ZNF462: variants seen among roughly 807,000 people sequenced by gnomAD.
The protein encoded by ZNF462 is zinc finger PBX1-interacting protein.
A neutral mutation model predicts 201.9 loss-of-function variants in ZNF462; 10 were observed. That is an observed-to-expected ratio of 0.05 (90% confidence interval 0.03 to 0.08). The LOEUF (loss-of-function observed/expected upper bound fraction) is 0.08. Ranked by LOEUF, ZNF462 falls within the 10% of genes least tolerant of loss-of-function variation. The pLI, the probability that ZNF462 is intolerant of heterozygous loss-of-function variation, is 1.00. For synonymous variants in ZNF462, 1,227 were observed against 1,193.3 expected (o/e 1.03, Z -0.58); for missense variants, 2,523 against 3,168.3 (o/e 0.80, Z 4.89).
chr9:106,896,261 A>T (rs1828809396), intron 1 of ZNF462, among the ~76,000 whole-genome samples: 1 of 152,122 alleles, frequency 6.6e-6, no homozygotes, highest in East Asian at 1.9e-4. Flanking sequence ...TAGGCACTCA[A>T]ATGTTTAGTT....
chr9:106,964,635 CT>C (rs1183257757), intron 7 of ZNF462, among the ~76,000 whole-genome samples: 25 of 151,986 alleles, frequency 1.6e-4, no homozygotes, highest in African/African-American at 4.6e-4. Flanking sequence ...TGTTCTCAAT[CT>C]TTTATAGTTG....
At chr9:106,948,217 G>A (rs1459520929) in intron 7 of ZNF462, among the ~76,000 whole-genome samples, 4 of 152,132 alleles carry the variant, frequency 2.6e-5, no homozygotes, top group Non-Finnish European at 5.9e-5. Flanking sequence ...TTAGTGGAAG[G>A]GTAATTAGTG....
intron 1 of ZNF462, among the ~76,000 whole-genome samples, chr9:106,900,440 C>G (rs377279767): frequency 1.3e-5 from 2 of 152,014 alleles, no homozygotes; most frequent in African/African-American, 2.4e-5. Context: ...CTACTTTTAG[C>G]TCTTTAAGGA....
At chr9:106,863,144 T>TG (rs1258584908), upstream of ZNF462, 1 of 397,940 alleles carries the variant, frequency 2.5e-6, no homozygotes, top group Non-Finnish European at 4.4e-6. Context: ...GACGGATATC[T>TG]CAGGTCATCT....
intron 5 of ZNF462, among the ~76,000 whole-genome samples, chr9:106,934,152 G>T (rs1324305537): frequency 6.6e-6 from 1 of 151,988 alleles, no homozygotes; most frequent in South Asian, 2.1e-4. Context: ...CTCCTATAAG[G>T]TATGGCCCCA....
intron 7 of ZNF462, 24 bp from the exon 8 acceptor site, chr9:106,971,981 G>C: frequency 1.3e-6 from 2 of 1,599,846 alleles, no homozygotes; most frequent in East Asian, 4.5e-5. Context: ...TGTGCCCCGT[G>C]TCATTTTTCC....
In ZNF462 at chr9:107,006,613, C is replaced by G. The variant is rs1218944227; in HGVS notation, c.7190-2932C>G. ...GTTCTGTCTGCAAACATTAAGGAAG[C>G]CTATTGGTGGGCTACTTCCCTCCAA... On this transcript the variant is annotated intron_variant, in intron 11 of 12. Coordinates refer to ENST00000277225, the MANE Select transcript of ZNF462 (RefSeq NM_021224.6). This position sits in a 1 kb window ranked among gnomAD's most constrained non-coding sequence, Gnocchi z 4.3. 6.6e-6 allele frequency among the ~76,000 whole-genome samples: 1 copy of G among 152,024 alleles called. No individual in the cohort carries two copies. The highest frequency in any genetic ancestry group is 2.4e-5 in the African/African-American group (1 of 41,380).
chr9:106,989,072 A>C (rs539042626), intron 10 of ZNF462, among the ~76,000 whole-genome samples: 2 of 152,182 alleles, frequency 1.3e-5, no homozygotes, highest in South Asian at 4.2e-4. Flanking sequence ...TTCCAGTACT[A>C]TGTTGAAGAG....
rs577134387 is a variant in ZNF462 at position 106,974,040 on chromosome 9, G to A, written c.6696-97G>A. 2.5e-5 allele frequency: 38 copies of A among 1,494,748 alleles called. No individual in the cohort carries two copies. The highest frequency in any genetic ancestry group is 8.6e-5 in the South Asian group (7 of 80,958). The allele number at this position is 1,494,748 out of a possible 1,614,324, so 92.6% of individuals were successfully genotyped here. On this transcript the variant is annotated intron_variant, in intron 8 of 12. Coordinates refer to ENST00000277225, the MANE Select transcript of ZNF462 (RefSeq NM_021224.6). The surrounding 1 kb of genome is among the most constrained non-coding windows in gnomAD (Gnocchi z 4.0). The stretch of plus-strand genomic sequence containing the variant: ...TTTTAGCCCCACAAGCAGGAGAGCC[G>A]CACTTGGACATATATAACGGGTTTG...
intron 7 of ZNF462, among the ~76,000 whole-genome samples, chr9:106,944,948 T>C (rs1303276853): frequency 3.3e-5 from 5 of 152,110 alleles, no homozygotes; most frequent in Non-Finnish European, 5.9e-5. Flanking sequence ...CCATAGACAA[T>C]ATGTAAACAA....
chr9:106,994,290 C>T (rs2132466814), intron 10 of ZNF462, among the ~76,000 whole-genome samples: 1 of 152,216 alleles, frequency 6.6e-6, no homozygotes, highest in East Asian at 1.9e-4. Flanking sequence ...ACATTAAGCT[C>T]AGAAGGAATC....
In ZNF462 at chr9:106,972,201, T is replaced by C. The variant is rs770100957; in HGVS notation, c.6624T>C (p.Arg2208=). The change falls in exon 8 of 13, where the codon CGT becomes CGC. Residue 2208 remains arginine (R), a synonymous_variant. Transcript: ENST00000277225. The surrounding 1 kb of genome is among the most constrained non-coding windows in gnomAD (Gnocchi z 4.8). ...CCGGCTACATCCAGAGCATCAGGCG[T>C]CATTACCGGGACAAGCATGGTGGGA... ...FSSGYIQSIR[R]HYRDKHGGKK... 3.1e-6 allele frequency: 5 copies of C among 1,614,204 alleles called. No individual in the cohort carries two copies. In the East Asian group the frequency reaches 1.1e-4, roughly 36 times the overall value.
chr9:106,944,450 A>G (rs956274808), intron 7 of ZNF462, among the ~76,000 whole-genome samples: 1 of 152,168 alleles, frequency 6.6e-6, no homozygotes, highest in African/African-American at 2.4e-5. Context: ...AAATTGACAC[A>G]TAATAATTAC....
At chr9:106,879,950 C>T (rs1482133674) in intron 1 of ZNF462, among the ~76,000 whole-genome samples, 1 of 152,156 alleles carries the variant, frequency 6.6e-6, no homozygotes, top group Admixed American at 6.6e-5. Context: ...GACTTCACAG[C>T]TGTGTTAAAG....
In ZNF462 at chr9:106,863,180, G is replaced by A. The variant is rs1827132497; in HGVS notation, c.-206G>A. On this transcript the variant is annotated 5_prime_UTR_variant, in exon 1 of 13. Transcript: ENST00000277225. ...GCAGCTGCAGCGAGTCTGAGGAGCC[G>A]AGGAAGGCAGGGAAGATGGCGATCC... 2 of 399,174 alleles carry A rather than the reference G, an allele frequency of 5.0e-6. No individual in the cohort carries two copies. The highest frequency in any genetic ancestry group is 2.5e-4 in the South Asian group (2 of 7,852). 24.7% of individuals were successfully genotyped at this position (399,174 alleles called of 1,614,324 possible).
Position 106,928,769 on chromosome 9 carries a change from C to T in ZNF462, c.4857C>T (p.Leu1619=), listed in dbSNP as rs779552060. Residue 1619 remains leucine (L), a synonymous_variant, in exon 3 of 13, where the codon CTC becomes CTT. Transcript: ENST00000277225. The surrounding 1 kb of genome is among the most constrained non-coding windows in gnomAD (Gnocchi z 9.3). The part of the protein sequence containing the change: ...SQSPPKLPVP[L]EPEMTTEVSP... ...CGCCCCCGAAGCTGCCAGTCCCCCT[C>T]GAGCCCGAGATGACCACTGAAGTGA... is the stretch of plus-strand genomic sequence containing the variant. The T allele has an allele frequency of 2.5e-5, 41 of 1,613,990 alleles. 2 individuals carry two copies. The South Asian group carries it at 3.7e-4, about 15-fold the overall frequency.
At chr9:106,861,005 C>T (rs1479494378), upstream of ZNF462, among the ~76,000 whole-genome samples, 1 of 152,052 alleles carries the variant, frequency 6.6e-6, no homozygotes, top group Non-Finnish European at 1.5e-5. Flanking sequence ...GCCTTGTTCT[C>T]GTCTCCTTAC....
chr9:106,913,393 C>T lies in ZNF462; in HGVS notation c.-30-9961C>T, dbSNP rs915217680. ...AAAGCAGGCCTGCATACAGTTAGTA[C>T]TCATAGCACAAATCTCATCAGAGCC... On this transcript the variant is annotated intron_variant, in intron 1 of 12. Transcript: ENST00000277225. The surrounding 1 kb of genome is among the most constrained non-coding windows in gnomAD (Gnocchi z 4.1). Among the ~76,000 whole-genome samples, 1 of 152,140 alleles carries T rather than the reference C, an allele frequency of 6.6e-6. No homozygotes were observed. The highest frequency in any genetic ancestry group is 1.5e-5 in the Non-Finnish European group (1 of 68,032).
rs771764382 is a variant in ZNF462, at chr9:107,009,600, A to G, written c.7245A>G (p.Pro2415=). The G allele has an allele frequency of 1.9e-6, 3 of 1,613,580 alleles. No homozygotes were observed. The highest frequency in any genetic ancestry group is 1.3e-5 in the African/African-American group (1 of 74,872). ...CTCTTAACACTGAGAAGCGTTTTCC[A>G]TGTGAATTTTGTGGACGGGCGTTTT... The part of the protein sequence containing the change: ...GAALNTEKRF[P]CEFCGRAFSQ... The change falls in exon 12 of 13, where the codon CCA becomes CCG. Residue 2415 remains proline, a synonymous_variant. Transcript: ENST00000277225. This position sits in a 1 kb window ranked among gnomAD's most constrained non-coding sequence, Gnocchi z 6.1.
Sources: gnomAD v4.1 joint callset for allele counts (sites outside exome capture counted in the v4.1 genomes callset) on GRCh38, gnomAD v4.1.1 for gene constraint, Gnocchi (gnomAD v3.1) non-coding constraint, MANE v1.5 for transcripts, NCBI Gene and HGNC (gene_info 2026-07-23, HGNC 2026-07-21) for gene names.